TJP1: variants seen among roughly 807,000 people sequenced by gnomAD.
The protein encoded by TJP1 is tight junction protein ZO-1.
A neutral mutation model predicts 194.2 loss-of-function variants in TJP1; 43 were observed. The ratio of observed to expected loss-of-function variants is 0.22; its 90% confidence interval spans 0.17 to 0.29. TJP1 has a LOEUF of 0.29. TJP1 is among the 10% of genes least tolerant of loss of function. The pLI is 1.00. For synonymous variants in TJP1, 801 were observed against 779.0 expected (o/e 1.03, Z -0.47); for missense variants, 1,971 against 2,185.7 (o/e 0.90, Z 1.96).
intron 2 of TJP1, among the ~76,000 whole-genome samples, chr15:29,947,646 C>A (rs2055330314): frequency 6.6e-6 from 1 of 152,138 alleles, no homozygotes; most frequent in Non-Finnish European, 1.5e-5. Context: ...CAATGTGATG[C>A]AATTCTTGCC....
chr15:29,767,690 T>TGA (rs2046409798), intron 4 of TJP1, among the ~76,000 whole-genome samples: 1 of 152,146 alleles, frequency 6.6e-6, no homozygotes, highest in South Asian at 2.1e-4. Flanking sequence ...TCTACAACCA[T>TGA]TCTTCAAGAT....
intron 1 of TJP1, among the ~76,000 whole-genome samples, chr15:29,966,082 T>G (rs2056321720): frequency 1.3e-5 from 2 of 152,230 alleles, no homozygotes; most frequent in African/African-American, 4.8e-5. Flanking sequence ...ATTCTGTGTT[T>G]AGAGAATGTG....
chr15:29,852,694 A>G (rs1010212919), intron 2 of TJP1, among the ~76,000 whole-genome samples: 1 of 152,142 alleles, frequency 6.6e-6, no homozygotes, highest in African/African-American at 2.4e-5. Context: ...GGATCACCTG[A>G]GGTTAGGAGT....
At chr15:29,851,155 T>C (rs1050138903) in intron 2 of TJP1, among the ~76,000 whole-genome samples, 1 of 151,372 alleles carries the variant, frequency 6.6e-6, no homozygotes, top group Non-Finnish European at 1.5e-5. Context: ...ACATATAAAA[T>C]AAAAATTTTA....
intron 10 of TJP1, among the ~76,000 whole-genome samples, chr15:29,740,260 C>T (rs1639698454): frequency 1.3e-5 from 2 of 152,142 alleles, no homozygotes. Flanking sequence ...CAGGCATAAG[C>T]CACTGCGCCC....
chr15:29,720,807 A>G (rs1287249092), intron 18 of TJP1, 99 bp from the exon 19 acceptor site: 1 of 974,462 alleles, frequency 1.0e-6, no homozygotes, highest in Non-Finnish European at 1.5e-6. Flanking sequence ...CTTTCTCTGG[A>G]GAAGTCACAT....
At chr15:29,767,040 CA>C (rs2151584976) in intron 4 of TJP1, among the ~76,000 whole-genome samples, 1 of 152,276 alleles carries the variant, frequency 6.6e-6, no homozygotes, top group African/African-American at 2.4e-5. Flanking sequence ...CACTAACATT[CA>C]ATAATATGTT....
Position 29,710,811 on chromosome 15 carries a change from T to A in TJP1, c.4372+20A>T. The A allele has an allele frequency of 6.2e-7, 1 of 1,613,660 alleles. No individual in the cohort carries two copies. The highest frequency in any genetic ancestry group is 8.5e-7 in the Non-Finnish European group (1 of 1,179,978). ...TCATAAGCATTACTGTGTTAAAATG[T>A]CTACTTCCGAACTTCCTACCTTCAC... On this transcript the variant is annotated intron_variant, in intron 24 of 27. Transcript: ENST00000614355.
chr15:29,848,914 T>A (rs1046991368), intron 2 of TJP1, among the ~76,000 whole-genome samples: 8 of 152,144 alleles, frequency 5.3e-5, no homozygotes, highest in African/African-American at 7.2e-5. Context: ...TGGTTTTTTT[T>A]AAATATATGG....
intron 2 of TJP1, among the ~76,000 whole-genome samples, chr15:29,940,844 C>T (rs1205649134): frequency 6.6e-6 from 1 of 152,126 alleles, no homozygotes; most frequent in Non-Finnish European, 1.5e-5. Context: ...ACCCCACTGC[C>T]CATGGCCTAT....
At chr15:29,791,410 ATTC>A (rs1236706850) in intron 2 of TJP1, among the ~76,000 whole-genome samples, 15 of 111,044 alleles carry the variant, frequency 1.4e-4, no homozygotes, top group Admixed American at 2.2e-4. Context: ...CCTCCATAAT[ATTC>A]TTTTTTTTTT....
intron 2 of TJP1, among the ~76,000 whole-genome samples, chr15:29,853,303 A>T (rs1201918298): frequency 6.6e-6 from 1 of 152,194 alleles, no homozygotes; most frequent in Non-Finnish European, 1.5e-5. Flanking sequence ...AACATGAGAG[A>T]GTCTCCTGGT....
intron 2 of TJP1, among the ~76,000 whole-genome samples, chr15:29,793,496 A>G (rs1424214841): frequency 2.0e-5 from 3 of 152,218 alleles, no homozygotes; most frequent in Admixed American, 2.0e-4. Context: ...TTGGCTCACT[A>G]TTCTGCAGGC....
At chr15:29,783,398 G>A (rs1219075169) in intron 2 of TJP1, among the ~76,000 whole-genome samples, 5 of 152,108 alleles carry the variant, frequency 3.3e-5, no homozygotes, top group Admixed American at 6.5e-5. Flanking sequence ...GCTTATACAC[G>A]TTGGGGAAGG....
intron 1 of TJP1, among the ~76,000 whole-genome samples, chr15:29,814,142 G>A (rs988713366): frequency 6.6e-6 from 1 of 152,108 alleles, no homozygotes; most frequent in Non-Finnish European, 1.5e-5. Context: ...ACATTAACAA[G>A]GAAAAATACA....
chr15:29,840,071 T>C (rs559592553), intron 2 of TJP1, among the ~76,000 whole-genome samples: 63 of 152,378 alleles, frequency 4.1e-4, no homozygotes, highest in African/African-American at 1.5e-3. Context: ...TGTGTGTCTT[T>C]TGTCCAGTTT....
chr15:29,710,512 C>T (rs2151038659), intron 24 of TJP1, among the ~76,000 whole-genome samples: 1 of 152,204 alleles, frequency 6.6e-6, no homozygotes, highest in East Asian at 1.9e-4. Context: ...AACATTATGG[C>T]TTTTCTATTT....
intron 2 of TJP1, among the ~76,000 whole-genome samples, chr15:29,929,312 T>C (rs1038863745): frequency 1.3e-5 from 2 of 152,318 alleles, no homozygotes; most frequent in Middle Eastern, 3.4e-3. Context: ...TATTGAAATA[T>C]ATGGGATTCA....
At chr15:29,846,232 T>C (rs2051403628) in intron 2 of TJP1, among the ~76,000 whole-genome samples, 2 of 152,174 alleles carry the variant, frequency 1.3e-5, no homozygotes, top group Non-Finnish European at 1.5e-5. Flanking sequence ...CTACAGCTCC[T>C]GCAGATCAGA....
Sources: gnomAD v4.1 joint callset for allele counts (sites outside exome capture counted in the v4.1 genomes callset) on GRCh38, gnomAD v4.1.1 for gene constraint, MANE v1.5 for transcripts, NCBI Gene and HGNC (gene_info 2026-07-23, HGNC 2026-07-21) for gene names.